Variants in PKP4 observed in about 807,000 individuals in gnomAD.
PKP4 encodes plakophilin-4.
PKP4 carries 90 observed loss-of-function variants against 145.1 expected under a neutral mutation model. That is an observed-to-expected ratio of 0.62 (90% confidence interval 0.52 to 0.74). PKP4 has a LOEUF of 0.74. Among genes scored for constraint, PKP4 ranks in the 30% least tolerant of loss-of-function variants. The pLI is 0.00. For missense variants in PKP4, 1,340 were observed against 1,482.7 expected (o/e 0.90, Z 1.58); for synonymous variants, 563 against 577.2 (o/e 0.98, Z 0.35).
intron 2 of PKP4, among the ~76,000 whole-genome samples, chr2:158,574,170 A>T (rs2047647187): frequency 2.0e-5 from 3 of 152,226 alleles, no homozygotes; most frequent in Non-Finnish European, 4.4e-5. Flanking sequence ...TTCCATTTTC[A>T]TAGTATATTA....
intron 1 of PKP4, among the ~76,000 whole-genome samples, chr2:158,529,531 CCT>C (rs1319662325): frequency 6.6e-6 from 1 of 152,208 alleles, no homozygotes; most frequent in Non-Finnish European, 1.5e-5. Flanking sequence ...TGTGTGCATT[CCT>C]GTTAATGTGC....
chr2:158,674,388 G>A (rs2057821414), intron 19 of PKP4, among the ~76,000 whole-genome samples: 1 of 152,178 alleles, frequency 6.6e-6, no homozygotes. Context: ...CATAAGGTTG[G>A]AATCTCCTCC....
chr2:158,542,522 G>A (rs2044609509), intron 2 of PKP4, among the ~76,000 whole-genome samples: 1 of 151,996 alleles, frequency 6.6e-6, no homozygotes, highest in South Asian at 2.1e-4. Context: ...TTACTGATGT[G>A]GAATAATTTA....
At chr2:158,611,514 C>T (rs116794196) in intron 4 of PKP4, among the ~76,000 whole-genome samples, 42 of 152,254 alleles carry the variant, frequency 2.8e-4, no homozygotes, top group African/African-American at 8.4e-4. Context: ...AGTCCTAAGT[C>T]AATTTATCTT....
At chr2:158,616,981 A>T (rs952985958) in intron 4 of PKP4, among the ~76,000 whole-genome samples, 2 of 152,196 alleles carry the variant, frequency 1.3e-5, no homozygotes, top group Admixed American at 6.5e-5. Context: ...CTCACTTTGT[A>T]TTCCATCTTT....
In PKP4 at chr2:158,673,950, A is replaced by C; in HGVS notation, c.3077A>C (p.His1026Pro). Residue 1026 changes from histidine to proline, a missense_variant, in exon 19 of 22, where the codon CAT becomes CCT. His to Pro is a moderately conservative substitution (Grantham distance 77). Transcript: ENST00000389759. Reference sequence around the variant, plus strand: ...TTGGAGCGAGACCGATTCAAATCACATCCTTCCTTGTCTACCACCAACCAA... The same window carrying C: ...TTGGAGCGAGACCGATTCAAATCACCTCCTTCCTTGTCTACCACCAACCAA... ...STLERDRFKSHPSLSTTNQQM... is the reference protein window; with the variant it reads ...STLERDRFKSPPSLSTTNQQM... The C allele has an allele frequency of 6.2e-7, 1 of 1,613,370 alleles. No homozygotes were observed.
At chr2:158,546,220 G>GA (rs1381110982) in intron 2 of PKP4, among the ~76,000 whole-genome samples, 2 of 152,078 alleles carry the variant, frequency 1.3e-5, no homozygotes, top group Non-Finnish European at 2.9e-5. Flanking sequence ...AATCTTTTTA[G>GA]ATTCTTTTGC....
At chr2:158,561,944 A>T (rs1358406227) in intron 2 of PKP4, among the ~76,000 whole-genome samples, 1 of 41,318 alleles carries the variant, frequency 2.4e-5, no homozygotes. Context: ...CCACCCCCCG[A>T]CAGGCCCCGG....
intron 3 of PKP4, among the ~76,000 whole-genome samples, chr2:158,583,225 T>C (rs1270269366): frequency 6.6e-6 from 1 of 152,154 alleles, no homozygotes; most frequent in Non-Finnish European, 1.5e-5. Context: ...CATTTTCACA[T>C]TAGTTGGGTT....
intron 1 of PKP4, among the ~76,000 whole-genome samples, chr2:158,460,587 A>G (rs1227340619): frequency 6.6e-6 from 1 of 152,198 alleles, no homozygotes; most frequent in Non-Finnish European, 1.5e-5. Flanking sequence ...ATATTAAGGT[A>G]TTTTGAGAAT....
At chr2:158,590,681 C>T (rs910051383) in intron 3 of PKP4, among the ~76,000 whole-genome samples, 45 of 151,976 alleles carry the variant, frequency 3.0e-4, no homozygotes, top group Admixed American at 6.6e-5. Context: ...CATAAATGAA[C>T]ATGAAACAAA....
At chr2:158,647,633 A>G (rs2054955290) in intron 11 of PKP4, among the ~76,000 whole-genome samples, 1 of 152,210 alleles carries the variant, frequency 6.6e-6, no homozygotes, top group Admixed American at 6.5e-5. Flanking sequence ...TTGTTAATTA[A>G]AATGGTTCTC....
At chr2:158,667,071 A>G (rs2057161890) in intron 16 of PKP4, among the ~76,000 whole-genome samples, 1 of 152,238 alleles carries the variant, frequency 6.6e-6, no homozygotes, top group African/African-American at 2.4e-5. Flanking sequence ...TGAGCTAAGC[A>G]AGGCGCCAAA....
intron 2 of PKP4, among the ~76,000 whole-genome samples, chr2:158,536,273 A>G (rs371569661): frequency 1.3e-5 from 2 of 152,364 alleles, no homozygotes; most frequent in East Asian, 3.9e-4. Flanking sequence ...ATACATAAAC[A>G]TACAATTTTA....
At chr2:158,576,364 C>G (rs1386563336) in intron 2 of PKP4, among the ~76,000 whole-genome samples, 5 of 152,214 alleles carry the variant, frequency 3.3e-5, no homozygotes, top group Non-Finnish European at 7.3e-5. Flanking sequence ...AAACTACTTA[C>G]AGTTCAGCAT....
intron 11 of PKP4, among the ~76,000 whole-genome samples, 166 bp downstream of exon 11, chr2:158,642,865 C>T (rs1222608118): frequency 1.3e-5 from 2 of 152,160 alleles, no homozygotes; most frequent in African/African-American, 4.8e-5. Flanking sequence ...TCTAATGAGT[C>T]AGAAACCGTT....
rs1343286650 is a variant in PKP4, at chr2:158,554,180, TTCA to T, written c.132+20865_132+20867del. Among the ~76,000 whole-genome samples the T allele has an allele frequency of 2.8e-3, 419 of 151,166 alleles. 2 individuals are homozygous for T. Among genetic ancestry groups the T allele is most frequent in the South Asian group, 4.9e-3 (23 of 4,724 alleles). Reference sequence around the variant, plus strand: ...CCATGCTTCCTCCTCTCTCCTGACATTCAGTAGCCTTCTGGCACTCACTGTCAT... The same window carrying T: ...CCATGCTTCCTCCTCTCTCCTGACATGTAGCCTTCTGGCACTCACTGTCAT... On this transcript the variant is annotated intron_variant, in intron 2 of 21. Transcript: ENST00000389759.
chr2:158,484,032 C>CTTTTT (rs11289096), intron 1 of PKP4, among the ~76,000 whole-genome samples: 88 of 95,402 alleles, frequency 9.2e-4, no homozygotes, highest in South Asian at 1.9e-3. Flanking sequence ...TTTTCTTTTT[C>CTTTTT]TTTTTTTTTT....
At chr2:158,617,901 G>A (rs1379711583) in intron 4 of PKP4, among the ~76,000 whole-genome samples, 3 of 152,204 alleles carry the variant, frequency 2.0e-5, no homozygotes, top group Non-Finnish European at 4.4e-5. Flanking sequence ...ATAACTGAAT[G>A]GCCGAGCACA....
Sources: allele counts gnomAD v4.1 joint callset (sites outside exome capture counted in the v4.1 genomes callset), GRCh38; gene constraint gnomAD v4.1.1; transcripts MANE v1.5; gene names NCBI Gene and HGNC (gene_info 2026-07-23, HGNC 2026-07-21).